GAS7: variants seen among roughly 807,000 people sequenced by gnomAD.
GAS7 encodes the protein growth arrest-specific protein 7.
GAS7 carries 28 observed loss-of-function variants against 71.1 expected under a neutral mutation model. The observed-to-expected ratio is 0.39, with a 90% CI of 0.29 to 0.54. The LOEUF is 0.54. Ranked by LOEUF, GAS7 falls within the 20% of genes least tolerant of loss-of-function variation. The pLI is 0.62. For synonymous variants in GAS7, 258 were observed against 245.8 expected, an observed-to-expected ratio of 1.05 and a Z score of -0.46; for missense variants, 436 against 627.8, an observed-to-expected ratio of 0.69 and a Z score of 3.27.
chr17:10,018,617 C>G (rs1272994814), intron 2 of GAS7, among the ~76,000 whole-genome samples: 4 of 152,176 alleles, frequency 2.6e-5, no homozygotes, highest in African/African-American at 9.7e-5. Context: ...ACCTCTTGCG[C>G]TAGAACACCC....
intron 1 of GAS7, among the ~76,000 whole-genome samples, chr17:10,128,483 T>A (rs1005501771): frequency 2.6e-5 from 4 of 152,168 alleles, no homozygotes. Flanking sequence ...ATTCCAAAGC[T>A]AGCTGAGGCC....
At chr17:9,965,045 A>G (rs1313036563) in intron 4 of GAS7, among the ~76,000 whole-genome samples, 5 of 152,168 alleles carry the variant, frequency 3.3e-5, no homozygotes, top group Admixed American at 3.3e-4. Flanking sequence ...GTGGATCACA[A>G]AAAGGCCCAG....
intron 1 of GAS7, among the ~76,000 whole-genome samples, chr17:10,140,891 G>A (rs1349984030): frequency 1.3e-5 from 2 of 152,218 alleles, no homozygotes; most frequent in Non-Finnish European, 2.9e-5. Context: ...AGATACAAAT[G>A]CTAAAGATGC....
chr17:10,098,245 GT>G (rs1430638891), intron 1 of GAS7, among the ~76,000 whole-genome samples: 1 of 152,160 alleles, frequency 6.6e-6, no homozygotes, highest in Non-Finnish European at 1.5e-5. Context: ...AGGGACAGCT[GT>G]GGGGACCTCC....
chr17:10,186,148 G>A (rs1220027796), intron 1 of GAS7, among the ~76,000 whole-genome samples: 6 of 151,314 alleles, frequency 4.0e-5, no homozygotes, highest in African/African-American at 9.7e-5. Flanking sequence ...TAATAGAGAC[G>A]GGGTTTCACT....
intron 1 of GAS7, among the ~76,000 whole-genome samples, chr17:10,178,924 C>T (rs570702193): frequency 1.3e-5 from 2 of 151,832 alleles, no homozygotes; most frequent in East Asian, 1.9e-4. Flanking sequence ...TTGGAGGATC[C>T]GATTATACGG....
chr17:9,998,678 AGAAAAGGAAAAG>A (rs368017485), intron 2 of GAS7, among the ~76,000 whole-genome samples: 9 of 149,822 alleles, frequency 6.0e-5, no homozygotes, highest in Admixed American at 3.3e-4. Context: ...ACAGAAAGAC[AGAAAAGGAAAAG>A]GAAAAGGAAA....
chr17:10,173,839 C>T (rs2074352972), intron 1 of GAS7, among the ~76,000 whole-genome samples: 1 of 152,270 alleles, frequency 6.6e-6, no homozygotes, highest in East Asian at 1.9e-4. Context: ...TGGGTTTGCC[C>T]TTCATGGGGG....
intron 1 of GAS7, among the ~76,000 whole-genome samples, chr17:10,134,851 T>C (rs75692641): frequency 6.6e-6 from 1 of 151,764 alleles, no homozygotes; most frequent in African/African-American, 2.4e-5. Flanking sequence ...TTTTTTTTTT[T>C]AAGACAGTCT....
At chr17:10,187,513 C>A (rs548267857) in intron 1 of GAS7, among the ~76,000 whole-genome samples, 1 of 152,340 alleles carries the variant, frequency 6.6e-6, no homozygotes, top group African/African-American at 2.4e-5. Context: ...ACTCGCTTTG[C>A]TCATCAAACT....
chr17:10,132,450 A>C (rs1457250444), intron 1 of GAS7, among the ~76,000 whole-genome samples: 1 of 152,160 alleles, frequency 6.6e-6, no homozygotes, highest in Non-Finnish European at 1.5e-5. Flanking sequence ...CATTTAAAGA[A>C]ACATCACTCA....
chr17:10,185,561 C>T (rs2074445760), intron 1 of GAS7, among the ~76,000 whole-genome samples: 1 of 152,170 alleles, frequency 6.6e-6, no homozygotes, highest in Non-Finnish European at 1.5e-5. Context: ...AAACGTGTTT[C>T]CCCAAGTTCT....
At chr17:9,943,392 C>A (rs934031449) in intron 6 of GAS7, among the ~76,000 whole-genome samples, 156 bp from the exon 7 acceptor site, 1 of 152,090 alleles carries the variant, frequency 6.6e-6, no homozygotes, top group Non-Finnish European at 1.5e-5. Flanking sequence ...ACTCGGATCT[C>A]TCTCCTGGTG....
At chr17:10,064,261 G>A (rs986366844) in intron 1 of GAS7, among the ~76,000 whole-genome samples, 1 of 152,186 alleles carries the variant, frequency 6.6e-6, no homozygotes, top group African/African-American at 2.4e-5. Flanking sequence ...GCCAGAGGCT[G>A]GGGCAGAGGA....
chr17:10,111,377 C>T (rs2073810799), intron 1 of GAS7, among the ~76,000 whole-genome samples: 1 of 151,720 alleles, frequency 6.6e-6, no homozygotes, highest in African/African-American at 2.4e-5. Flanking sequence ...ATTAAAAATA[C>T]AAAATAATAG....
intron 2 of GAS7, among the ~76,000 whole-genome samples, chr17:9,992,218 A>G (rs930362183): frequency 1.3e-5 from 2 of 152,278 alleles, no homozygotes; most frequent in East Asian, 3.9e-4. Flanking sequence ...AGGATCAGGC[A>G]AGGTACATGG....
chr17:9,956,835 GC>G (rs1411308716), intron 5 of GAS7, among the ~76,000 whole-genome samples: 1 of 152,166 alleles, frequency 6.6e-6, no homozygotes, highest in Non-Finnish European at 1.5e-5. Context: ...GGAAGTTCAC[GC>G]CCCAGCCTCC....
chr17:10,151,181 T>G (rs1039408275), intron 1 of GAS7, among the ~76,000 whole-genome samples: 8 of 152,090 alleles, frequency 5.3e-5, no homozygotes, highest in Non-Finnish European at 1.2e-4. Context: ...TTTGGTTATT[T>G]TTTTTTAGAG....
intron 1 of GAS7, among the ~76,000 whole-genome samples, chr17:10,110,003 G>A (rs999821632): frequency 6.1e-5 from 9 of 147,526 alleles, no homozygotes; most frequent in South Asian, 2.1e-4. Flanking sequence ...GCAGTGAGCC[G>A]AGATTGTGCC....
Sources: allele counts gnomAD v4.1 joint callset (sites outside exome capture counted in the v4.1 genomes callset), GRCh38; gene constraint gnomAD v4.1.1; transcripts MANE v1.5; gene names NCBI Gene and HGNC (gene_info 2026-07-23, HGNC 2026-07-21).